SBNO2: variants seen among roughly 807,000 people sequenced by gnomAD.
SBNO2 encodes the protein protein strawberry notch homolog 2.
In SBNO2, 89 loss-of-function variants were observed where a neutral mutation model predicts 146.3. That is an observed-to-expected ratio of 0.61 (90% CI 0.51 to 0.73). The LOEUF (loss-of-function observed/expected upper bound fraction) is 0.73. Ranked by LOEUF, SBNO2 falls within the 30% of genes least tolerant of loss-of-function variation. SBNO2 has a pLI of 0.00. For synonymous variants in SBNO2, 1,147 were observed against 892.6 expected (o/e 1.29, Z -5.08); for missense variants, 2,092 against 2,003.7 (o/e 1.04, Z -0.84).
intron 19 of SBNO2, among the ~76,000 whole-genome samples, chr19:1,113,238 C>T (rs2079788753): frequency 6.6e-6 from 1 of 152,212 alleles, no homozygotes; most frequent in Admixed American, 6.5e-5. Flanking sequence ...GTGTCCTGGC[C>T]CTGGGCACCC....
At chr19:1,132,086 T>C in intron 4 of SBNO2, 1 of 1,536,926 alleles carries the variant, frequency 6.5e-7, no homozygotes, top group Non-Finnish European at 8.7e-7. Context: ...GAAGGGAGTG[T>C]TACCTTGTTC....
rs1324847955 is a variant in SBNO2, at chr19:1,109,881, G to A, written c.3029-104C>T. The A allele has an allele frequency of 1.3e-6, 1 of 777,070 alleles. No individual in the cohort carries two copies. The highest frequency in any genetic ancestry group is 2.0e-6 in the Non-Finnish European group (1 of 489,032). 48.1% of individuals were successfully genotyped at this position (777,070 alleles called of 1,614,324 possible). A position where few individuals can be genotyped will look rare whatever the true frequency, so the allele number is the denominator to read the frequency against. Reference sequence around the variant, plus strand: ...GCGCACCCTAGAGACGACCCCCCGAGAGCACAGGAGAGGGTGTCCTGGATC... The same window carrying A: ...GCGCACCCTAGAGACGACCCCCCGAAAGCACAGGAGAGGGTGTCCTGGATC... On this transcript the variant is annotated intron_variant, in intron 26 of 31. Coordinates refer to ENST00000361757, the MANE Select transcript of SBNO2 (RefSeq NM_014963.3). This position sits in a 1 kb window ranked among gnomAD's most constrained non-coding sequence, Gnocchi z 4.2.
Position 1,147,335 on chromosome 19 carries a change from G to A in SBNO2, c.253C>T (p.Pro85Ser). Residue 85 changes from proline to serine, a missense_variant, in exon 4 of 32, where the codon CCA becomes TCA. Transcript: ENST00000361757. ...TGAGCAAAGTCGCAGGTCTTTGGTG[G>A]CAAGCTGGAGGCGGTGGCCACGGGG... ...YAPVATASSL[P>S]PKTCDFAQDS... 6 of 1,575,798 alleles carry A rather than the reference G, an allele frequency of 3.8e-6. No individual in the cohort carries two copies. Among genetic ancestry groups the A allele is most frequent in the Admixed American group, 3.6e-5 (2 of 54,898 alleles).
chr19:1,162,394 C>T (rs1286576052), intron 1 of SBNO2, among the ~76,000 whole-genome samples: 3 of 149,234 alleles, frequency 2.0e-5, no homozygotes, highest in African/African-American at 7.4e-5. Flanking sequence ...CGGGAGGCGG[C>T]GCTTGCAGTG....
At chr19:1,121,992 C>A in intron 11 of SBNO2, 147 bp downstream of exon 11, 2 of 654,892 alleles carry the variant, frequency 3.1e-6, no homozygotes, top group Non-Finnish European at 4.3e-6. Context: ...TCCAGCCCTT[C>A]CCCAGCCCCA....
rs1379906639 is a variant in SBNO2 at position 1,108,443 on chromosome 19, G to C, written c.3878C>G (p.Thr1293Ser). Residue 1293 changes from threonine (T) to serine (S), a missense_variant, in exon 32 of 32, where the codon ACC becomes AGC. Transcript: ENST00000361757. ...CGCAGGGTCGGCCTGGGCGTCGGGG[G>C]TGCCCAGCGGCACGACGCCGGGGCC... ...DAGPGVVPLGTPDAQADPAAL... is the reference protein window; with the variant it reads ...DAGPGVVPLGSPDAQADPAAL... 5.1e-5 allele frequency: 63 copies of C among 1,244,470 alleles called. No homozygotes were observed. The East Asian group carries it at 2.0e-3, about 39-fold the overall frequency. The allele number at this position is 1,244,470 out of a possible 1,614,324, so 77.1% of individuals were successfully genotyped here.
chr19:1,125,996 A>G (rs1385523774), intron 5 of SBNO2, among the ~76,000 whole-genome samples: 4 of 152,206 alleles, frequency 2.6e-5, no homozygotes, highest in East Asian at 1.9e-4. Context: ...CCCGTCTCAA[A>G]ATAAATAAGT....
rs1002302313 is a variant in SBNO2, at chr19:1,140,979, G to A, written c.279+6330C>T. Among the ~76,000 whole-genome samples, 4 of 152,234 alleles carry A rather than the reference G, an allele frequency of 2.6e-5. No individual in the cohort carries two copies. Among genetic ancestry groups the A allele is most frequent in the African/African-American group, 7.2e-5 (3 of 41,546 alleles). On this transcript the variant is annotated intron_variant, in intron 4 of 31. Coordinates refer to ENST00000361757, the MANE Select transcript of SBNO2 (RefSeq NM_014963.3). The surrounding 1 kb of genome is among the most constrained non-coding windows in gnomAD (Gnocchi z 4.4). ...GGAGACAACCCCAGACAAAACCAAC[G>A]GAGAGGCACTCTGGAGAAGACACAC...
chr19:1,171,806 C>T (rs1043800899), intron 1 of SBNO2, among the ~76,000 whole-genome samples: 3 of 152,158 alleles, frequency 2.0e-5, no homozygotes, highest in South Asian at 2.1e-4. Flanking sequence ...CTCTCCACCT[C>T]GGTTTCCCCG....
chr19:1,166,825 G>A (rs557287054), intron 1 of SBNO2, among the ~76,000 whole-genome samples: 1 of 152,248 alleles, frequency 6.6e-6, no homozygotes, highest in South Asian at 2.1e-4. Flanking sequence ...CATGTGGAGG[G>A]TAGTCTGGCC....
chr19:1,171,264 G>C (rs76898024), intron 1 of SBNO2, among the ~76,000 whole-genome samples: 2 of 151,934 alleles, frequency 1.3e-5, no homozygotes, highest in African/African-American at 2.4e-5. Context: ...CACACACACA[G>C]AACGCGCACA....
Position 1,109,887 on chromosome 19 carries a change from AGGAGAGGGTGTCCT to A in SBNO2, c.3029-124_3029-111del. Reference sequence around the variant, plus strand: ...CCTAGAGACGACCCCCCGAGAGCACAGGAGAGGGTGTCCTGGATCCTGGCCTGACCTGGCCCAGC... The same window carrying A: ...CCTAGAGACGACCCCCCGAGAGCACAGGATCCTGGCCTGACCTGGCCCAGC... On this transcript the variant is annotated intron_variant, in intron 26 of 31. Transcript: ENST00000361757. The surrounding 1 kb of genome is among the most constrained non-coding windows in gnomAD (Gnocchi z 4.2). The A allele has an allele frequency of 6.5e-6, 5 of 765,190 alleles. No homozygotes were observed. The highest frequency in any genetic ancestry group is 1.0e-5 in the Non-Finnish European group (5 of 479,372). 47.4% of individuals were successfully genotyped at this position (765,190 alleles called of 1,614,324 possible). A position where few individuals can be genotyped will look rare whatever the true frequency, so the allele number is the denominator to read the frequency against.
rs1298855841 is a variant in SBNO2 at position 1,136,806 on chromosome 19, T to C, written c.280-9041A>G. On this transcript the variant is annotated intron_variant, in intron 4 of 31. Transcript: ENST00000361757. This position sits in a 1 kb window ranked among gnomAD's most constrained non-coding sequence, Gnocchi z 4.2. ...AAGCAGCCAGAGTTTGCAAAGCGCT[T>C]TTCTGAGCCGTGAGCTCATCCTGAG... 2.6e-5 allele frequency among the ~76,000 whole-genome samples: 4 copies of C among 152,114 alleles called. No individual in the cohort carries two copies. The highest frequency in any genetic ancestry group is 2.9e-5 in the Non-Finnish European group (2 of 68,008).
chr19:1,122,991 C>A lies in SBNO2; in HGVS notation c.683G>T (p.Ser228Ile). 6.3e-7 allele frequency: 1 copy of A among 1,581,628 alleles called. No homozygotes were observed. The change falls in exon 8 of 32, where the codon AGC becomes ATC. Residue 228 changes from serine (S) to isoleucine (I), a missense_variant. Physicochemically the swap from Ser to Ile is moderately radical, Grantham distance 142. Transcript: ENST00000361757. ...DRVVETSTLS[S>I]VPPPDITYTL... ...GTAGGTGATGTCTGGGGGTGGGACGCTGGACAGTGTGCTGGTCTCCACCAC... is the reference window on the plus strand; with the variant it reads ...GTAGGTGATGTCTGGGGGTGGGACGATGGACAGTGTGCTGGTCTCCACCAC...
intron 1 of SBNO2, chr19:1,168,557 C>T (rs1414164264): frequency 1.3e-5 from 2 of 152,314 alleles, no homozygotes; most frequent in South Asian, 2.1e-4. Flanking sequence ...TCTGTCCCCA[C>T]GAAGCCTGGC....
chr19:1,156,743 A>G (rs904386823), intron 1 of SBNO2, among the ~76,000 whole-genome samples: 2 of 152,130 alleles, frequency 1.3e-5, no homozygotes, highest in Non-Finnish European at 2.9e-5. Flanking sequence ...GAGAGACGCC[A>G]GGCACAGATG....
At chr19:1,128,312 C>T (rs1286041746) in intron 4 of SBNO2, 5 of 384,114 alleles carry the variant, frequency 1.3e-5, no homozygotes, top group African/African-American at 4.3e-5. Flanking sequence ...GGGGCGGGGG[C>T]AGCCACGCCC....
rs746540148 is a variant in SBNO2 at position 1,109,752 on chromosome 19, G to A, written c.3054C>T (p.Ile1018=). ...ILDLAPGIEE[I]YEESQQVFLA... is the part of the protein sequence containing the mutation. Reference sequence around the variant, plus strand: ...GGAACACCTGCTGGCTCTCCTCGTAGATCTCCTCGATACCGGGAGCAAGGT... The same window carrying A: ...GGAACACCTGCTGGCTCTCCTCGTAAATCTCCTCGATACCGGGAGCAAGGT... The change falls in exon 27 of 32, where the codon ATC becomes ATT. Residue 1018 remains isoleucine, a synonymous_variant. Coordinates refer to ENST00000361757, the MANE Select transcript of SBNO2 (RefSeq NM_014963.3). The surrounding 1 kb of genome is among the most constrained non-coding windows in gnomAD (Gnocchi z 4.2). 1.9e-6 allele frequency: 3 copies of A among 1,573,376 alleles called. No individual in the cohort carries two copies. Among genetic ancestry groups the A allele is most frequent in the African/African-American group, 2.7e-5 (2 of 73,926 alleles).
In SBNO2 at chr19:1,123,590, T is replaced by C; in HGVS notation, c.572A>G (p.Glu191Gly). 1 of 1,613,460 alleles carries C rather than the reference T, an allele frequency of 6.2e-7. No individual in the cohort carries two copies. Among genetic ancestry groups the C allele is most frequent in the African/African-American group, 1.3e-5 (1 of 75,018 alleles). Residue 191 changes from glutamate to glycine, a missense_variant, in exon 7 of 32, where the codon GAG (glutamate) becomes GGG (glycine). Coordinates refer to ENST00000361757, the MANE Select transcript of SBNO2 (RefSeq NM_014963.3). Reference sequence around the variant, plus strand: ...TGTGTGCCCCAGCTCCTCCGCCTCCTCCTCCTCAGCCTCGTCCTCCTCCTC... The same window carrying C: ...TGTGTGCCCCAGCTCCTCCGCCTCCCCCTCCTCAGCCTCGTCCTCCTCCTC... ...QPEEEDEAEE[E>G]EAEELGHTET... is the part of the protein sequence containing the mutation.
Sources: allele counts gnomAD v4.1 joint callset (sites outside exome capture counted in the v4.1 genomes callset), GRCh38; gene constraint gnomAD v4.1.1; non-coding constraint Gnocchi (gnomAD v3.1); transcripts MANE v1.5; gene names NCBI Gene and HGNC (gene_info 2026-07-23, HGNC 2026-07-21).